Variants in CASQ1 observed in about 807,000 individuals in gnomAD.
The protein encoded by CASQ1 is calsequestrin-1.
In CASQ1, 40 loss-of-function variants were observed where a neutral mutation model predicts 49.5. That is an observed-to-expected ratio of 0.81 (90% confidence interval 0.63 to 1.05). The LOEUF (loss-of-function observed/expected upper bound fraction) is 1.05. Among genes scored for constraint, CASQ1 ranks in the 50% least tolerant of loss-of-function variants. The pLI is 0.00. For synonymous variants in CASQ1, 174 were observed against 187.2 expected (o/e 0.93, Z 0.58); for missense variants, 469 against 486.9 (o/e 0.96, Z 0.35).
intron 2 of CASQ1, 101 bp from the exon 3 acceptor site, chr1:160,193,646 G>A: frequency 2.8e-6 from 2 of 717,186 alleles, no homozygotes; most frequent in Non-Finnish European, 4.7e-6. Context: ...GGGCCCCGGT[G>A]ATTATCAAAC....
At position 160,201,537 on chromosome 1, in the gene CASQ1, G is replaced by T; in HGVS notation, c.*161G>T. 2 of 704,446 alleles carry T rather than the reference G, an allele frequency of 2.8e-6. No homozygotes were observed. Among genetic ancestry groups the T allele is most frequent in the Non-Finnish European group, 4.8e-6 (2 of 418,848 alleles). 43.6% of individuals were successfully genotyped at this position (704,446 alleles called of 1,614,324 possible). A position where few individuals can be genotyped will look rare whatever the true frequency, so the allele number is the denominator to read the frequency against. ...GCTGAGACACTGATCCCCCTCATTTGATGAGCAAATGAGCTACTTTTCCCT... is the reference window on the plus strand; with the variant it reads ...GCTGAGACACTGATCCCCCTCATTTTATGAGCAAATGAGCTACTTTTCCCT... On this transcript the variant is annotated 3_prime_UTR_variant, in exon 11 of 11. Coordinates refer to ENST00000368078, the MANE Select transcript of CASQ1 (RefSeq NM_001231.5).
chr1:160,193,845 GATGT>G lies in CASQ1; in HGVS notation c.465_465+3del. 6.8e-6 allele frequency: 11 copies of G among 1,608,902 alleles called. No homozygotes were observed. The highest frequency in any genetic ancestry group is 9.4e-6 in the Non-Finnish European group (11 of 1,175,748). ...TGACACCATCGTGGAGTTTCTGCTT[GATGT>G]AAGGACTCCCCTGGACCTGACGGCC... On this transcript the variant is annotated splice_donor_variant and coding_sequence_variant, in exon 3 of 11. Coordinates refer to ENST00000368078, the MANE Select transcript of CASQ1 (RefSeq NM_001231.5). LOFTEE classifies it high-confidence loss of function.
chr1:160,198,655 TCTC>T lies in CASQ1; in HGVS notation c.829-19_829-17del. The T allele has an allele frequency of 6.2e-7, 1 of 1,604,432 alleles. No homozygotes were observed. Among genetic ancestry groups the T allele is most frequent in the East Asian group, 2.2e-5 (1 of 44,836 alleles). The stretch of plus-strand genomic sequence containing the variant: ...AGTAAGGTCTTCTCCAAAACCCTGT[TCTC>T]CTTCTTACCCCCTGACAGGAGGATG... On this transcript the variant is annotated intron_variant, in intron 7 of 10. Coordinates refer to ENST00000368078, the MANE Select transcript of CASQ1 (RefSeq NM_001231.5).
In CASQ1 at chr1:160,201,576, GCTCT is replaced by G; in HGVS notation, c.*205_*208del. ...CTACTTTTCCCTAGACACCAGGCCAGCTCTCTCTTATCTGACTTCTGTTTCTTAT... is the reference window on the plus strand; with the variant it reads ...CTACTTTTCCCTAGACACCAGGCCAGCTCTTATCTGACTTCTGTTTCTTAT... On this transcript the variant is annotated 3_prime_UTR_variant, in exon 11 of 11. Transcript: ENST00000368078. 1 of 600,298 alleles carries G rather than the reference GCTCT, an allele frequency of 1.7e-6. No individual in the cohort carries two copies. The highest frequency in any genetic ancestry group is 2.9e-5 in the Admixed American group (1 of 34,518). The allele number at this position is 600,298 out of a possible 1,614,324, so 37.2% of individuals were successfully genotyped here.
rs150143470 is a variant in CASQ1, at chr1:160,199,905, G to T, written c.1039G>T (p.Gly347Ter). The T allele has an allele frequency of 8.0e-5, 129 of 1,613,038 alleles. No individual in the cohort carries two copies. In the East Asian group the frequency reaches 2.8e-3, roughly 35 times the overall value. ...CATCGACTTGTCAGCCCCACAAATA[G>T]GAGTCGTCAATGTTACTGATGTGAG... ...FDIDLSAPQI[G>*]VVNVTDADSV... is the part of the protein sequence containing the mutation. The change falls in exon 10 of 11, where the codon GGA becomes TGA. Residue 347 changes from glycine (G) to a stop codon, truncating the protein, a stop_gained. Coordinates refer to ENST00000368078, the MANE Select transcript of CASQ1 (RefSeq NM_001231.5). LOFTEE classifies it high-confidence loss of function.
intron 1 of CASQ1, 42 bp downstream of exon 1, chr1:160,191,072 C>T: frequency 6.3e-7 from 1 of 1,597,926 alleles, no homozygotes; most frequent in Non-Finnish European, 8.5e-7. Context: ...ATGTCTAGCC[C>T]CTCTCCGGAA....
intron 5 of CASQ1, 61 bp from the exon 6 acceptor site, chr1:160,195,836 C>T (rs929579712): frequency 9.0e-6 from 14 of 1,563,956 alleles, no homozygotes; most frequent in African/African-American, 4.1e-5. Context: ...CCCCATTATA[C>T]TGCTTCTCGA....
At position 160,190,877 on chromosome 1, in the gene CASQ1, G is replaced by A. The variant is rs768619823; in HGVS notation, c.126G>A (p.Glu42=). 1.2e-6 allele frequency: 2 copies of A among 1,614,238 alleles called. No individual in the cohort carries two copies. The highest frequency in any genetic ancestry group is 1.7e-6 in the Non-Finnish European group (2 of 1,180,046). The change falls in exon 1 of 11, where the codon GAG becomes GAA. Residue 42 remains glutamate (E), a synonymous_variant. Transcript: ENST00000368078. ...VQGQEGLDFP[E]YDGVDRVINV... ...GGCAGGAAGGGCTGGACTTCCCTGAGTACGATGGTGTGGACCGTGTGATCA... is the reference window on the plus strand; with the variant it reads ...GGCAGGAAGGGCTGGACTTCCCTGAATACGATGGTGTGGACCGTGTGATCA...
At position 160,190,887 on chromosome 1, in the gene CASQ1, G is replaced by A. The variant is rs1484774264; in HGVS notation, c.136G>A (p.Val46Met). ...EGLDFPEYDG[V>M]DRVINVNAKN... ...GCTGGACTTCCCTGAGTACGATGGT[G>A]TGGACCGTGTGATCAATGTCAATGC... The change falls in exon 1 of 11, where the codon GTG (valine) becomes ATG (methionine). Residue 46 changes from valine to methionine, a missense_variant. Val to Met is a conservative substitution (Grantham distance 21). Coordinates refer to ENST00000368078, the MANE Select transcript of CASQ1 (RefSeq NM_001231.5). 1.2e-6 allele frequency: 2 copies of A among 1,614,230 alleles called. No homozygotes were observed. Among genetic ancestry groups the A allele is most frequent in the East Asian group, 2.2e-5 (1 of 44,888 alleles).
intron 6 of CASQ1, among the ~76,000 whole-genome samples, chr1:160,196,410 T>A (rs1393591853): frequency 1.3e-5 from 2 of 152,154 alleles, no homozygotes; most frequent in Non-Finnish European, 2.9e-5. Context: ...AGGTAATAAG[T>A]GTCAGAGCTT....
At chr1:160,192,747 A>G in intron 1 of CASQ1, 55 bp from the exon 2 acceptor site, 1 of 1,469,644 alleles carries the variant, frequency 6.8e-7, no homozygotes, top group Non-Finnish European at 9.5e-7. Flanking sequence ...GAGAGGGAGA[A>G]TAGGGGATAA....
intron 4 of CASQ1, 143 bp from the exon 5 acceptor site, chr1:160,195,318 C>A: frequency 2.5e-6 from 2 of 811,380 alleles, no homozygotes; most frequent in South Asian, 1.6e-5. Context: ...TCCAGTATTC[C>A]ACCTTCCCCT....
rs1354806868 is a variant in CASQ1, at chr1:160,195,986, T to G, written c.741T>G (p.Asn247Lys). 1 of 1,613,876 alleles carries G rather than the reference T, an allele frequency of 6.2e-7. No homozygotes were observed. Among genetic ancestry groups the G allele is most frequent in the South Asian group, 1.1e-5 (1 of 91,066 alleles). ...EEPVTIPDKPNSEEEIVNFVE... is the reference protein window; with the variant it reads ...EEPVTIPDKPKSEEEIVNFVE... The stretch of plus-strand genomic sequence containing the variant: ...CTGTGACCATCCCAGACAAGCCCAA[T>G]AGCGAAGAGGAGATTGTCAACTTCG... The change falls in exon 6 of 11, where the codon AAT becomes AAG. Residue 247 changes from asparagine (N) to lysine (K), a missense_variant. Coordinates refer to ENST00000368078, the MANE Select transcript of CASQ1 (RefSeq NM_001231.5).
At chr1:160,192,274 T>G (rs1654096037) in intron 1 of CASQ1, among the ~76,000 whole-genome samples, 1 of 152,102 alleles carries the variant, frequency 6.6e-6, no homozygotes. Flanking sequence ...ACCTCTTATC[T>G]CAGCTCTCTG....
chr1:160,191,098 C>T, intron 1 of CASQ1, 68 bp downstream of exon 1: 1 of 1,522,540 alleles, frequency 6.6e-7, no homozygotes, highest in Non-Finnish European at 9.0e-7. Flanking sequence ...TATCCTACAC[C>T]CATGTAGCTC....
Position 160,193,582 on chromosome 1 carries a change from C to T in CASQ1, c.365-165C>T, listed in dbSNP as rs542328111. 2.0e-4 allele frequency among the ~76,000 whole-genome samples: 30 copies of T among 152,214 alleles called. 1 individual carries two copies. In the South Asian group the frequency reaches 5.2e-3, roughly 26 times the overall value. On this transcript the variant is annotated intron_variant, in intron 2 of 10. Transcript: ENST00000368078. Reference sequence around the variant, plus strand: ...GGGGCAGAGACCTCAGGCCTGTCGGCCTCTGGGTCAGAGGAGGTGGGTGGG... The same window carrying T: ...GGGGCAGAGACCTCAGGCCTGTCGGTCTCTGGGTCAGAGGAGGTGGGTGGG...
chr1:160,194,196 C>T (rs562513593), intron 3 of CASQ1, among the ~76,000 whole-genome samples: 97 of 146,420 alleles, frequency 6.6e-4, no homozygotes, highest in Non-Finnish European at 4.2e-4. Context: ...CACACACACA[C>T]CACATGCACA....
In CASQ1 at chr1:160,190,913, A is replaced by G. The variant is rs999894015; in HGVS notation, c.162A>G (p.Ala54=). 1.2e-6 allele frequency: 2 copies of G among 1,614,090 alleles called. No individual in the cohort carries two copies. Among genetic ancestry groups the G allele is most frequent in the Non-Finnish European group, 1.7e-6 (2 of 1,180,038 alleles). Residue 54 remains alanine, a synonymous_variant, in exon 1 of 11, where the codon GCA becomes GCG. Coordinates refer to ENST00000368078, the MANE Select transcript of CASQ1 (RefSeq NM_001231.5). The stretch of plus-strand genomic sequence containing the variant: ...TGGACCGTGTGATCAATGTCAATGC[A>G]AAGAACTACAAGAATGTGTTCAAGA... ...DGVDRVINVN[A]KNYKNVFKKY...
chr1:160,193,648 T>G (rs1320821384), intron 2 of CASQ1, 99 bp from the exon 3 acceptor site: 10 of 722,666 alleles, frequency 1.4e-5, no homozygotes, highest in Admixed American at 2.7e-5. Flanking sequence ...GCCCCGGTGA[T>G]TATCAAACGG....
Sources: gnomAD v4.1 joint callset for allele counts (sites outside exome capture counted in the v4.1 genomes callset) on GRCh38, gnomAD v4.1.1 for gene constraint, MANE v1.5 for transcripts, NCBI Gene and HGNC (gene_info 2026-07-23, HGNC 2026-07-21) for gene names.